MANBA: variants seen among roughly 807,000 people sequenced by gnomAD.
MANBA encodes the protein beta-mannosidase.
In MANBA, 83 loss-of-function variants were observed where a neutral mutation model predicts 111.1. The ratio of observed to expected loss-of-function variants is 0.75; its 90% CI spans 0.63 to 0.90. The LOEUF is 0.90. Among genes scored for constraint, MANBA ranks in the 40% least tolerant of loss-of-function variants. The probability of loss-of-function intolerance (pLI) is 0.00; values close to 1 mark genes in which losing one functional copy is unlikely to be tolerated. For synonymous variants in MANBA, 370 were observed against 378.7 expected (o/e 0.98, Z 0.27); for missense variants, 1,036 against 1,069.0 (o/e 0.97, Z 0.43).
At chr4:102,699,943 C>T (rs2110255989) in intron 5 of MANBA, among the ~76,000 whole-genome samples, 1 of 151,952 alleles carries the variant, frequency 6.6e-6, no homozygotes, top group East Asian at 1.9e-4. Flanking sequence ...GTACCAGTTC[C>T]TCCTTGTACC....
intron 5 of MANBA, among the ~76,000 whole-genome samples, chr4:102,704,469 C>T (rs28393346): frequency 0.028 from 4,233 of 152,208 alleles, 138 homozygotes; most frequent in African/African-American, 0.078. Context: ...CACGCCCAGC[C>T]TTGCATTAGT....
intron 4 of MANBA, 53 bp from the exon 5 acceptor site, chr4:102,714,614 A>G: frequency 6.5e-7 from 1 of 1,541,934 alleles, no homozygotes; most frequent in Non-Finnish European, 8.9e-7. Context: ...TGAAATTTAA[A>G]CATTATGAAA....
rs115273956 is a variant in MANBA at position 102,726,242 on chromosome 4, T to C, written c.272+347A>G. Among the ~76,000 whole-genome samples the C allele has an allele frequency of 7.5e-3, 1,135 of 152,268 alleles. 8 individuals are homozygous for C. Among genetic ancestry groups the C allele is most frequent in the African/African-American group, 0.021 (882 of 41,552 alleles). ...ACATTACTGAAAACAGTATCTGTGC[T>C]TCACCTCCTGGCTTCACCACATAGT... On this transcript the variant is annotated intron_variant, in intron 2 of 16. Transcript: ENST00000647097.
intron 1 of MANBA, among the ~76,000 whole-genome samples, chr4:102,743,673 C>G (rs985603933): frequency 5.9e-5 from 9 of 152,158 alleles, no homozygotes; most frequent in Non-Finnish European, 1.0e-4. Flanking sequence ...TATACCACTT[C>G]CATTTGATGA....
intron 13 of MANBA, among the ~76,000 whole-genome samples, chr4:102,650,115 C>T (rs561113080): frequency 6.6e-6 from 1 of 152,282 alleles, no homozygotes; most frequent in Admixed American, 6.5e-5. Context: ...TGATTCACCA[C>T]TGTTTATTGA....
chr4:102,693,879 T>C (rs983213268), intron 5 of MANBA, among the ~76,000 whole-genome samples: 2 of 152,266 alleles, frequency 1.3e-5, no homozygotes, highest in Admixed American at 1.3e-4. Flanking sequence ...AGCCTTCCCA[T>C]TTTTGCCAGG....
At chr4:102,647,095 T>C (rs1578866630) in intron 13 of MANBA, among the ~76,000 whole-genome samples, 1 of 151,772 alleles carries the variant, frequency 6.6e-6, no homozygotes, top group Admixed American at 6.6e-5. Context: ...TTATTTCTAA[T>C]ACACAGATTA....
intron 13 of MANBA, among the ~76,000 whole-genome samples, chr4:102,640,878 G>T (rs533389117): frequency 6.6e-6 from 1 of 152,114 alleles, no homozygotes; most frequent in African/African-American, 2.4e-5. Flanking sequence ...ATTCCAGAAC[G>T]GAAGCCAGAA....
chr4:102,736,336 T>C (rs551516970), intron 1 of MANBA, among the ~76,000 whole-genome samples: 1 of 152,246 alleles, frequency 6.6e-6, no homozygotes, highest in Admixed American at 6.5e-5. Context: ...ATATTTACTA[T>C]GTTTACTGTA....
At chr4:102,703,958 G>C (rs955127843) in intron 5 of MANBA, among the ~76,000 whole-genome samples, 6 of 152,090 alleles carry the variant, frequency 3.9e-5, no homozygotes, top group African/African-American at 1.4e-4. Flanking sequence ...AGCCAGGCGT[G>C]GTGTCGAACA....
At chr4:102,758,916 A>T (rs1334083842) in intron 1 of MANBA, among the ~76,000 whole-genome samples, 5 of 152,096 alleles carry the variant, frequency 3.3e-5, no homozygotes, top group Admixed American at 3.3e-4. Context: ...TGGCCACCTG[A>T]TTGAAACCTC....
Position 102,747,611 on chromosome 4 carries a change from C to A in MANBA, c.177+13107G>T, listed in dbSNP as rs1723636667. Among the ~76,000 whole-genome samples, 3 of 152,212 alleles carry A rather than the reference C, an allele frequency of 2.0e-5. No homozygotes were observed. In the South Asian group the frequency reaches 6.2e-4, roughly 31 times the overall value. On this transcript the variant is annotated intron_variant, in intron 1 of 16. Coordinates refer to ENST00000647097, the MANE Select transcript of MANBA (RefSeq NM_005908.4). Reference sequence around the variant, plus strand: ...TAGTCTCCAAACTTCAGTTTCTCCTCTGTCAAATAGGATCTTCAGCTATGA... The same window carrying A: ...TAGTCTCCAAACTTCAGTTTCTCCTATGTCAAATAGGATCTTCAGCTATGA...
At chr4:102,704,988 A>G (rs1421244264) in intron 5 of MANBA, among the ~76,000 whole-genome samples, 2 of 152,246 alleles carry the variant, frequency 1.3e-5, no homozygotes, top group Non-Finnish European at 2.9e-5. Flanking sequence ...ATGGCTGACT[A>G]GCGGCATCTG....
intron 1 of MANBA, chr4:102,729,017 A>G (rs1205157258): frequency 1.0e-6 from 1 of 969,248 alleles, no homozygotes; most frequent in Non-Finnish European, 1.7e-6. Context: ...GGCTATCTCG[A>G]TGTCCAGGGC....
At chr4:102,673,657 C>T (rs1043011709) in intron 8 of MANBA, among the ~76,000 whole-genome samples, 1 of 152,060 alleles carries the variant, frequency 6.6e-6, no homozygotes, top group African/African-American at 2.4e-5. Context: ...CTTATTTCTC[C>T]AGAATAAACA....
chr4:102,750,749 C>CA (rs1375588333), intron 1 of MANBA, among the ~76,000 whole-genome samples: 1 of 151,944 alleles, frequency 6.6e-6, no homozygotes, highest in Admixed American at 6.6e-5. Context: ...TCTGTCTCTA[C>CA]AAAAAAGAAA....
chr4:102,758,928 A>G (rs565515627), intron 1 of MANBA, among the ~76,000 whole-genome samples: 12 of 152,132 alleles, frequency 7.9e-5, no homozygotes, highest in Non-Finnish European at 1.6e-4. Flanking sequence ...TGAAACCTCA[A>G]GGTTTTGCTA....
chr4:102,722,641 T>C, intron 4 of MANBA: 2 of 525,754 alleles, frequency 3.8e-6, no homozygotes, highest in South Asian at 4.5e-5. Flanking sequence ...CTTTTTCTGT[T>C]ACCTAAGTTC....
chr4:102,712,370 G>T (rs2110271083), intron 5 of MANBA, among the ~76,000 whole-genome samples: 1 of 152,142 alleles, frequency 6.6e-6, no homozygotes, highest in African/African-American at 2.4e-5. Flanking sequence ...GAAATGTTTA[G>T]TTTCATATTC....
Sources: gnomAD v4.1 joint callset for allele counts (sites outside exome capture counted in the v4.1 genomes callset) on GRCh38, gnomAD v4.1.1 for gene constraint, MANE v1.5 for transcripts, NCBI Gene and HGNC (gene_info 2026-07-23, HGNC 2026-07-21) for gene names.